LRIT1: variants seen among roughly 807,000 people sequenced by gnomAD.
The protein encoded by LRIT1 is leucine-rich repeat, immunoglobulin-like domain and transmembrane domain-containing protein 1.
In LRIT1, 23 loss-of-function variants were observed where a neutral mutation model predicts 24.0. The observed-to-expected ratio is 0.96, with a 90% confidence interval of 0.69 to 1.36. LRIT1 has a LOEUF of 1.36. LRIT1 is among the 40% of genes most tolerant of loss of function. The pLI is 0.00. For missense variants in LRIT1, 846 were observed against 806.3 expected, an observed-to-expected ratio of 1.05 and a Z score of -0.60; for synonymous variants, 361 against 340.5, an observed-to-expected ratio of 1.06 and a Z score of -0.66.
At chr10:84,236,123 C>A (rs189826685) in intron 2 of LRIT1, among the ~76,000 whole-genome samples, 4 of 151,608 alleles carry the variant, frequency 2.6e-5, no homozygotes, top group African/African-American at 9.7e-5. Context: ...GGTGAAACCC[C>A]GTCTCTACTA....
At position 84,232,517 on chromosome 10, in the gene LRIT1, C is replaced by T. The variant is rs775374319; in HGVS notation, c.1282G>A (p.Ala428Thr). The T allele has an allele frequency of 1.9e-6, 3 of 1,614,176 alleles. No individual in the cohort carries two copies. Among genetic ancestry groups the T allele is most frequent in the Non-Finnish European group, 2.5e-6 (3 of 1,180,022 alleles). ...LSDGRAGPSE[A>T]RMVRSVKVVG... ...ACCTTCACAGACCTCACCATTCGTG[C>T]CTCTGAGGGTCCTGCCCGCCCATCA... Residue 428 changes from alanine to threonine, a missense_variant, in exon 4 of 4, where the codon GCA becomes ACA. Physicochemically the swap from Ala to Thr is moderately conservative, Grantham distance 58. Coordinates refer to ENST00000372105, the MANE Select transcript of LRIT1 (RefSeq NM_015613.3).
chr10:84,233,346 A>ATAT (rs1554822397), intron 3 of LRIT1, among the ~76,000 whole-genome samples: 1 of 150,304 alleles, frequency 6.7e-6, no homozygotes. Flanking sequence ...ATATATATAT[A>ATAT]TTTTTTTTTG....
In LRIT1 at chr10:84,232,489, A is replaced by G; in HGVS notation, c.1310T>C (p.Val437Ala). The change falls in exon 4 of 4, where the codon GTG (valine) becomes GCG (alanine). Residue 437 changes from valine to alanine, a missense_variant. Coordinates refer to ENST00000372105, the MANE Select transcript of LRIT1 (RefSeq NM_015613.3). The part of the protein sequence containing the change: ...EARMVRSVKV[V>A]GDTYHSVSLV... ...GGACACGCTGTGGTAAGTGTCCCCC[A>G]CCACCTTCACAGACCTCACCATTCG... 1 of 1,614,068 alleles carries G rather than the reference A, an allele frequency of 6.2e-7. No homozygotes were observed.
At chr10:84,239,953 G>T (rs931267740) in intron 1 of LRIT1, among the ~76,000 whole-genome samples, 4 of 152,238 alleles carry the variant, frequency 2.6e-5, no homozygotes, top group Non-Finnish European at 4.4e-5. Flanking sequence ...GGATAGTCAG[G>T]CGGGTAGAAC....
At position 84,231,708 on chromosome 10, in the gene LRIT1, G is replaced by A. The variant is rs2132859698; in HGVS notation, c.*219C>T. The A allele has an allele frequency of 1.8e-6, 1 of 564,220 alleles. No homozygotes were observed. The highest frequency in any genetic ancestry group is 2.4e-5 in the South Asian group (1 of 41,756). 35.0% of individuals were successfully genotyped at this position (564,220 alleles called of 1,614,324 possible). ...ATAGTGATGCCTGCTGCAAATGATT[G>A]TTACAAGAATTTAGCACTTAGAACA... is the stretch of plus-strand genomic sequence containing the variant. On this transcript the variant is annotated 3_prime_UTR_variant, in exon 4 of 4. Coordinates refer to ENST00000372105, the MANE Select transcript of LRIT1 (RefSeq NM_015613.3).
Position 84,241,306 on chromosome 10 carries a change from C to A in LRIT1, c.122+12G>T, listed in dbSNP as rs1842688854. The A allele has an allele frequency of 6.2e-7, 1 of 1,613,882 alleles. No individual in the cohort carries two copies. The highest frequency in any genetic ancestry group is 8.5e-7 in the Non-Finnish European group (1 of 1,179,928). On this transcript the variant is annotated intron_variant, in intron 1 of 3. Coordinates refer to ENST00000372105, the MANE Select transcript of LRIT1 (RefSeq NM_015613.3). ...AGGCTGGGCTGCCCGTCCCACGCAC[C>A]CGGTACCATACCTGGCCTTGCTGCC... is the stretch of plus-strand genomic sequence containing the variant.
At chr10:84,233,186 T>C (rs977050057) in intron 3 of LRIT1, among the ~76,000 whole-genome samples, 2 of 152,174 alleles carry the variant, frequency 1.3e-5, no homozygotes, top group African/African-American at 2.4e-5. Context: ...GTTTGCTTTT[T>C]TCAGACAGTG....
chr10:84,235,372 C>T (rs1315092486), intron 2 of LRIT1, among the ~76,000 whole-genome samples: 3 of 152,144 alleles, frequency 2.0e-5, no homozygotes, highest in Non-Finnish European at 4.4e-5. Flanking sequence ...GTTAAACGCA[C>T]TTAATGATAC....
At chr10:84,232,925 G>A in intron 3 of LRIT1, 22 bp from the exon 4 acceptor site, 1 of 1,597,020 alleles carries the variant, frequency 6.3e-7, no homozygotes, top group Non-Finnish European at 8.5e-7. Flanking sequence ...ACAGGCATGT[G>A]TGGGAGAACG....
chr10:84,234,473 C>T, intron 2 of LRIT1, 95 bp from the exon 3 acceptor site: 2 of 987,032 alleles, frequency 2.0e-6, no homozygotes, highest in Non-Finnish European at 2.9e-6. Context: ...GGCAGGTCCT[C>T]ATTCAGAGTC....
chr10:84,239,731 A>G (rs962668548), intron 1 of LRIT1, among the ~76,000 whole-genome samples: 3 of 152,206 alleles, frequency 2.0e-5, no homozygotes, highest in African/African-American at 7.2e-5. Flanking sequence ...ACAGGCACAC[A>G]CTTCACGATA....
chr10:84,231,983 C>A lies in LRIT1; in HGVS notation c.1816G>T (p.Asp606Tyr). The A allele has an allele frequency of 6.2e-7, 1 of 1,613,918 alleles. No individual in the cohort carries two copies. Among genetic ancestry groups the A allele is most frequent in the Non-Finnish European group, 8.5e-7 (1 of 1,179,892 alleles). The stretch of plus-strand genomic sequence containing the variant: ...CCTTTGACTCCAAAGGCCTGAAAGT[C>A]CACACTGGAACGAGCTGAGAGAAGC... ...DRLLSARSSV[D>Y]FQAFGVKGGR... The change falls in exon 4 of 4, where the codon GAC (aspartate) becomes TAC (tyrosine). Residue 606 changes from aspartate to tyrosine, a missense_variant. Transcript: ENST00000372105.
At position 84,233,268 on chromosome 10, in the gene LRIT1, C is replaced by T. The variant is rs113491939; in HGVS notation, c.896-365G>A. ...TACTCCAGCCTGGAACTCCCAGGCTCAAGTGATCCTCCCACCTCAGCTCCT... is the reference window on the plus strand; with the variant it reads ...TACTCCAGCCTGGAACTCCCAGGCTTAAGTGATCCTCCCACCTCAGCTCCT... On this transcript the variant is annotated intron_variant, in intron 3 of 3. Coordinates refer to ENST00000372105, the MANE Select transcript of LRIT1 (RefSeq NM_015613.3). 5.9e-3 allele frequency among the ~76,000 whole-genome samples: 899 copies of T among 152,256 alleles called. 6 individuals are homozygous for T. Among genetic ancestry groups the T allele is most frequent in the African/African-American group, 0.021 (854 of 41,550 alleles).
Position 84,234,196 on chromosome 10 carries a change from G to T in LRIT1, c.772C>A (p.Pro258Thr). 2.5e-6 allele frequency: 4 copies of T among 1,614,084 alleles called. No individual in the cohort carries two copies. The highest frequency in any genetic ancestry group is 3.4e-6 in the Non-Finnish European group (4 of 1,180,042). ...AGGGACCTGATGCTGGCCACTCCTG[G>T]ATGGAGCTCTGGGCCCTGGCACTTC... ...LRKCQGPELHPGVASIRSLLG... is the reference protein window; with the variant it reads ...LRKCQGPELHTGVASIRSLLG... The change falls in exon 3 of 4, where the codon CCA becomes ACA. Residue 258 changes from proline (P) to threonine (T), a missense_variant. Pro to Thr is a conservative substitution (Grantham distance 38, BLOSUM62 -1). Transcript: ENST00000372105.
At chr10:84,232,942 C>T (rs768783423) in intron 3 of LRIT1, 39 bp from the exon 4 acceptor site, 2 of 1,577,422 alleles carry the variant, frequency 1.3e-6, no homozygotes, top group South Asian at 1.2e-5. Context: ...AACGAATGGG[C>T]CCATCTGCCC....
intron 3 of LRIT1, 122 bp downstream of exon 3, chr10:84,233,951 A>G (rs1842625232): frequency 2.3e-6 from 2 of 858,460 alleles, no homozygotes; most frequent in East Asian, 5.9e-5. Flanking sequence ...CTCAACTCAG[A>G]CAGGTGGAAG....
intron 1 of LRIT1, 41 bp from the exon 2 acceptor site, chr10:84,237,727 C>A (rs1318995377): frequency 1.7e-5 from 25 of 1,494,828 alleles, no homozygotes; most frequent in Non-Finnish European, 2.3e-5. Context: ...AGGATCCTGC[C>A]GGGTCTGGGA....
chr10:84,240,610 G>A (rs1842684176), intron 1 of LRIT1, among the ~76,000 whole-genome samples: 1 of 152,208 alleles, frequency 6.6e-6, no homozygotes, highest in Non-Finnish European at 1.5e-5. Context: ...ACAAGCCACA[G>A]TGGCATGGGA....
Position 84,232,421 on chromosome 10 carries a change from T to C in LRIT1, c.1378A>G (p.Ser460Gly). ...TGCCCAAAGACCGCGTAGAGGACAC[T>C]GAAGGCAGTTGTGTTCTTAGCCTGG... ...APQAKNTTAF[S>G]VLYAVFGQHS... Residue 460 changes from serine (S) to glycine (G), a missense_variant, in exon 4 of 4, where the codon AGT becomes GGT. Transcript: ENST00000372105. 6.2e-7 allele frequency: 1 copy of C among 1,614,148 alleles called. No individual in the cohort carries two copies. Among genetic ancestry groups the C allele is most frequent in the East Asian group, 2.2e-5 (1 of 44,886 alleles).
Sources: allele counts gnomAD v4.1 joint callset (sites outside exome capture counted in the v4.1 genomes callset), GRCh38; gene constraint gnomAD v4.1.1; transcripts MANE v1.5; gene names NCBI Gene and HGNC (gene_info 2026-07-23, HGNC 2026-07-21).